SLC35E1: variants seen among roughly 807,000 people sequenced by gnomAD.
SLC35E1 encodes the protein solute carrier family 35, member E1.
In SLC35E1, 12 loss-of-function variants were observed where a neutral mutation model predicts 31.0. The ratio of observed to expected loss-of-function variants is 0.39; its 90% CI spans 0.25 to 0.63. SLC35E1 has a LOEUF of 0.63. Among genes scored for constraint, SLC35E1 ranks in the 20% least tolerant of loss-of-function variants. The pLI, the probability that SLC35E1 is intolerant of heterozygous loss-of-function variation, is 0.52. For missense variants in SLC35E1, 429 were observed against 572.2 expected, an observed-to-expected ratio of 0.75 and a Z score of 2.55; for synonymous variants, 257 against 264.1, an observed-to-expected ratio of 0.97 and a Z score of 0.26.
At chr19:16,559,894 G>A (rs774943552) in intron 4 of SLC35E1, among the ~76,000 whole-genome samples, 1 of 152,118 alleles carries the variant, frequency 6.6e-6, no homozygotes, top group Non-Finnish European at 1.5e-5. Context: ...CGGGCATTTC[G>A]CATATTATAA....
At chr19:16,570,970 C>T (rs542750226) in intron 2 of SLC35E1, among the ~76,000 whole-genome samples, 32 of 151,968 alleles carry the variant, frequency 2.1e-4, no homozygotes, top group African/African-American at 7.2e-4. Flanking sequence ...TGGTAGTGCA[C>T]GTCTGTAGTC....
At chr19:16,565,209 T>C in intron 4 of SLC35E1, 1 of 421,946 alleles carries the variant, frequency 2.4e-6, no homozygotes, top group Non-Finnish European at 4.6e-6. Context: ...ACAGTTTTCT[T>C]TCTTTCTTTT....
At chr19:16,554,557 A>T (rs2085864862) in intron 5 of SLC35E1, among the ~76,000 whole-genome samples, 3 of 152,148 alleles carry the variant, frequency 2.0e-5, no homozygotes, top group Non-Finnish European at 2.9e-5. Context: ...GTGGTGGCTC[A>T]TGCCTGTAAT....
At chr19:16,559,570 T>G (rs971623431) in intron 4 of SLC35E1, among the ~76,000 whole-genome samples, 1 of 151,832 alleles carries the variant, frequency 6.6e-6, no homozygotes, top group Admixed American at 6.6e-5. Flanking sequence ...GGAGGATCAC[T>G]GAGCCCAGAG....
intron 1 of SLC35E1, 68 bp downstream of exon 1, chr19:16,571,876 C>G: frequency 1.4e-6 from 2 of 1,470,008 alleles, no homozygotes. Flanking sequence ...CGGCGCACTC[C>G]TATCCATGCG....
At chr19:16,561,239 A>C (rs190675342) in intron 4 of SLC35E1, among the ~76,000 whole-genome samples, 1 of 140,974 alleles carries the variant, frequency 7.1e-6, no homozygotes, top group Non-Finnish European at 1.5e-5. Context: ...AAAAAAAAAA[A>C]AAAAGAAAGA....
rs574154262 is a variant in SLC35E1 at position 16,556,041 on chromosome 19, CTG to C, written c.757-646_757-645del. 1.8e-3 allele frequency among the ~76,000 whole-genome samples: 270 copies of C among 152,076 alleles called. 2 individuals carry two copies. Among genetic ancestry groups the C allele is most frequent in the Non-Finnish European group, 2.5e-3 (173 of 68,002 alleles). ...GACCAGCCTGACCAACATGGTAAAACTGTGTCTCTATTAAAAATACAAAATTG... is the reference window on the plus strand; with the variant it reads ...GACCAGCCTGACCAACATGGTAAAACTGTCTCTATTAAAAATACAAAATTG... On this transcript the variant is annotated intron_variant, in intron 4 of 5. Transcript: ENST00000595753.
Position 16,559,463 on chromosome 19 carries a change from T to TACACACACACACACACACAC in SLC35E1, c.757-4086_757-4067dup, listed in dbSNP as rs61643316. Among the ~76,000 whole-genome samples the TACACACACACACACACACAC allele has an allele frequency of 9.1e-3, 1,289 of 142,366 alleles. 12 individuals are homozygous for TACACACACACACACACACAC. The highest frequency in any genetic ancestry group is 0.011 in the Non-Finnish European group (749 of 66,096). 93.4% of individuals were successfully genotyped at this position (142,366 alleles called of 152,430 possible). ...GGCAAAACCTTCTTTCTACAAAAAA[T>TACACACACACACACACACAC]ACACACACACACACACACACACACA... On this transcript the variant is annotated intron_variant, in intron 4 of 5. Coordinates refer to ENST00000595753, the MANE Select transcript of SLC35E1 (RefSeq NM_024881.5).
intron 4 of SLC35E1, among the ~76,000 whole-genome samples, chr19:16,559,605 A>T (rs2085894549): frequency 6.6e-6 from 1 of 152,008 alleles, no homozygotes; most frequent in Non-Finnish European, 1.5e-5. Context: ...GTGAGCTGTG[A>T]TTGTACCACT....
At chr19:16,557,395 G>T (rs1328479128) in intron 4 of SLC35E1, among the ~76,000 whole-genome samples, 1 of 152,052 alleles carries the variant, frequency 6.6e-6, no homozygotes, top group Non-Finnish European at 1.5e-5. Context: ...GGGTTTCACC[G>T]TGTTAGCCAG....
At chr19:16,565,377 A>T (rs1330250607) in intron 4 of SLC35E1, 1 of 311,008 alleles carries the variant, frequency 3.2e-6, no homozygotes, top group Non-Finnish European at 6.3e-6. Flanking sequence ...CGCCTGGCTA[A>T]TTTTGTATTT....
intron 4 of SLC35E1, among the ~76,000 whole-genome samples, chr19:16,563,232 G>A (rs2085915901): frequency 6.6e-6 from 1 of 151,966 alleles, no homozygotes; most frequent in Admixed American, 6.6e-5. Flanking sequence ...GCTGAGGCAG[G>A]AGAACTGCTT....
chr19:16,558,197 C>G (rs868760958), intron 4 of SLC35E1, among the ~76,000 whole-genome samples: 1 of 152,058 alleles, frequency 6.6e-6, no homozygotes, highest in Admixed American at 6.6e-5. Context: ...GCAACCACCA[C>G]CATGCCCAGC....
At chr19:16,566,277 C>T (rs1032526777) in intron 4 of SLC35E1, 18 of 447,808 alleles carry the variant, frequency 4.0e-5, no homozygotes, top group African/African-American at 1.8e-4. Context: ...TCTTCCTTGA[C>T]GCTACTGGCG....
chr19:16,572,104 G>T lies in SLC35E1; in HGVS notation c.261C>A (p.Pro87=). 6.6e-7 allele frequency: 1 copy of T among 1,513,466 alleles called. No homozygotes were observed. The highest frequency in any genetic ancestry group is 8.8e-7 in the Non-Finnish European group (1 of 1,131,716). 93.8% of individuals were successfully genotyped at this position (1,513,466 alleles called of 1,614,324 possible). A position where few individuals can be genotyped will look rare whatever the true frequency, so the allele number is the denominator to read the frequency against. ...GCGGACTGGGTCCGGGGCCCGAGACGGGCGGCGCGGGGGGCACGCGCCAGG... is the reference window on the plus strand; with the variant it reads ...GCGGACTGGGTCCGGGGCCCGAGACTGGCGGCGCGGGGGGCACGCGCCAGG... ...LRAWRVPPAP[P]VSGPGPSPHP... The change falls in exon 1 of 6, where the codon CCC becomes CCA. Residue 87 remains proline (P), a synonymous_variant. Coordinates refer to ENST00000595753, the MANE Select transcript of SLC35E1 (RefSeq NM_024881.5). The surrounding 1 kb of genome is among the most constrained non-coding windows in gnomAD (Gnocchi z 4.1).
Position 16,553,889 on chromosome 19 carries a change from C to T in SLC35E1, c.1023G>A (p.Gln341=). 6.2e-7 allele frequency: 1 copy of T among 1,610,714 alleles called. No homozygotes were observed. The highest frequency in any genetic ancestry group is 1.1e-5 in the South Asian group (1 of 90,568). The change falls in exon 6 of 6, where the codon CAG becomes CAA. Residue 341 remains glutamine (Q), a synonymous_variant. Coordinates refer to ENST00000595753, the MANE Select transcript of SLC35E1 (RefSeq NM_024881.5). ...CGGGGAGGAGGTGCTTCCTGGCTTG[C>T]TGGTTTGCATCGTACTTGGTCTGTG... ...LYNKTKYDAN[Q]QARKHLLPVT...
rs2085853503 is a variant in SLC35E1 at position 16,553,008 on chromosome 19, C to T, written c.*671G>A. 6.6e-6 allele frequency: 1 copy of T among 152,248 alleles called. No homozygotes were observed. The highest frequency in any genetic ancestry group is 2.4e-5 in the African/African-American group (1 of 41,450). 9.4% of individuals were successfully genotyped at this position (152,248 alleles called of 1,614,324 possible). A position where few individuals can be genotyped will look rare whatever the true frequency, so the allele number is the denominator to read the frequency against. On this transcript the variant is annotated 3_prime_UTR_variant, in exon 6 of 6. Coordinates refer to ENST00000595753, the MANE Select transcript of SLC35E1 (RefSeq NM_024881.5). ...CTGGGTGGATGCCAACCCTGACGTGCAGGGCAGAGCACCAGGCTGCAGGAA... is the reference window on the plus strand; with the variant it reads ...CTGGGTGGATGCCAACCCTGACGTGTAGGGCAGAGCACCAGGCTGCAGGAA...
At position 16,555,006 on chromosome 19, in the gene SLC35E1, G is replaced by T; in HGVS notation, c.1002+146C>A. On this transcript the variant is annotated intron_variant, in intron 5 of 5. Coordinates refer to ENST00000595753, the MANE Select transcript of SLC35E1 (RefSeq NM_024881.5). The surrounding 1 kb of genome is among the most constrained non-coding windows in gnomAD (Gnocchi z 4.1). The stretch of plus-strand genomic sequence containing the variant: ...AGGAAAAAGGAAGCCAGAGTGGGAT[G>T]GGGCTACGCCAAGATCATAAACCAG... The T allele has an allele frequency of 8.3e-7, 1 of 1,204,862 alleles. No homozygotes were observed. The highest frequency in any genetic ancestry group is 1.1e-6 in the Non-Finnish European group (1 of 885,014). 74.6% of individuals were successfully genotyped at this position (1,204,862 alleles called of 1,614,324 possible). A position where few individuals can be genotyped will look rare whatever the true frequency, so the allele number is the denominator to read the frequency against.
Position 16,572,201 on chromosome 19 carries a change from A to T in SLC35E1, c.164T>A (p.Phe55Tyr), listed in dbSNP as rs2085963593. The change falls in exon 1 of 6, where the codon TTC (phenylalanine) becomes TAC (tyrosine). Residue 55 changes from phenylalanine to tyrosine, a missense_variant. Coordinates refer to ENST00000595753, the MANE Select transcript of SLC35E1 (RefSeq NM_024881.5). The surrounding 1 kb of genome is among the most constrained non-coding windows in gnomAD (Gnocchi z 4.1). The stretch of plus-strand genomic sequence containing the variant: ...CAGCGACACGGTCACCGGGAACGGG[A>T]AGGCGCTCAGGATCACCTTGTTGAC... ...NVVNKVILSA[F>Y]PFPVTVSLCH... The T allele has an allele frequency of 2.0e-6, 3 of 1,531,528 alleles. No homozygotes were observed. In the East Asian group the frequency reaches 7.8e-5, roughly 40 times the overall value. 94.9% of individuals were successfully genotyped at this position (1,531,528 alleles called of 1,614,324 possible). A position where few individuals can be genotyped will look rare whatever the true frequency, so the allele number is the denominator to read the frequency against.
Sources: allele counts gnomAD v4.1 joint callset (sites outside exome capture counted in the v4.1 genomes callset), GRCh38; gene constraint gnomAD v4.1.1; non-coding constraint Gnocchi (gnomAD v3.1); transcripts MANE v1.5; gene names NCBI Gene and HGNC (gene_info 2026-07-23, HGNC 2026-07-21).